ZNF45: variants seen among roughly 807,000 people sequenced by gnomAD.
ZNF45 encodes the protein BRC1744.
A neutral mutation model predicts 12.0 loss-of-function variants in ZNF45; 4 were observed. The ratio of observed to expected loss-of-function variants is 0.33; its 90% CI spans 0.16 to 0.76. ZNF45 has a LOEUF of 0.76. ZNF45 is among the 30% of genes least tolerant of loss of function. The pLI is 0.60. For missense variants in ZNF45, 700 were observed against 813.0 expected (o/e 0.86, Z 1.69); for synonymous variants, 272 against 279.6 (o/e 0.97, Z 0.27).
intron 3 of ZNF45, chr19:43,926,441 G>A (rs916857747): frequency 4.6e-5 from 7 of 152,204 alleles, no homozygotes; most frequent in African/African-American, 1.7e-4. Context: ...CACAGAATGT[G>A]TCCCTTAAAA....
intron 9 of ZNF45, among the ~76,000 whole-genome samples, chr19:43,918,116 A>C (rs1442693106): frequency 6.6e-6 from 1 of 152,222 alleles, no homozygotes; most frequent in Non-Finnish European, 1.5e-5. Context: ...TGGTTGCCAC[A>C]AAGAAAATTT....
chr19:43,933,404 A>C (rs1974288638), intron 2 of ZNF45, among the ~76,000 whole-genome samples: 4 of 152,180 alleles, frequency 2.6e-5, no homozygotes, highest in Admixed American at 2.6e-4. Flanking sequence ...CAGTGAGCTG[A>C]GATCGTACCA....
At chr19:43,920,531 C>CCG (rs1973044841) in intron 7 of ZNF45, among the ~76,000 whole-genome samples, 1 of 1,404 alleles carries the variant, frequency 7.1e-4, no homozygotes, top group Non-Finnish European at 0.023. Flanking sequence ...CAGATGTTGC[C>CCG]GGGTGGGGGG....
Position 43,915,043 on chromosome 19 carries a change from C to A in ZNF45, c.393G>T (p.Gln131His). 3.1e-6 allele frequency: 5 copies of A among 1,610,820 alleles called. No homozygotes were observed. Among genetic ancestry groups the A allele is most frequent in the Non-Finnish European group, 4.2e-6 (5 of 1,178,666 alleles). The change falls in exon 10 of 10, where the codon CAG becomes CAT. Residue 131 changes from glutamine to histidine, a missense_variant. Transcript: ENST00000269973. ...AGTGCAAATCATCTCGTTTTTCCAACTGGCAGCCTGTTCTTTGAATATTTA... is the reference window on the plus strand; with the variant it reads ...AGTGCAAATCATCTCGTTTTTCCAAATGGCAGCCTGTTCTTTGAATATTTA... ...SVVNIQRTGC[Q>H]LEKRDDLHYK...
At chr19:43,918,595 C>A (rs1313423691) in intron 9 of ZNF45, among the ~76,000 whole-genome samples, 1 of 152,184 alleles carries the variant, frequency 6.6e-6, no homozygotes, top group African/African-American at 2.4e-5. Context: ...ACATGGACTT[C>A]CCAGCCCCCA....
rs1166434221 is a variant in ZNF45 at position 43,922,222 on chromosome 19, A to C, written c.-32-5T>G. On this transcript the variant is annotated splice_region_variant and splice_polypyrimidine_tract_variant and intron_variant, in intron 6 of 9. Coordinates refer to ENST00000269973, the MANE Select transcript of ZNF45 (RefSeq NM_003425.4). The stretch of plus-strand genomic sequence containing the variant: ...CCTTCTGGAGAAGTGCCAAGTCTTA[A>C]GAGGGAAGGAGAAAACATGAGGGAA... The C allele has an allele frequency of 3.8e-6, 6 of 1,590,860 alleles. No individual in the cohort carries two copies. Among genetic ancestry groups the C allele is most frequent in the Non-Finnish European group, 4.3e-6 (5 of 1,165,594 alleles).
In ZNF45 at chr19:43,914,763, T is replaced by C. The variant is rs201330394; in HGVS notation, c.673A>G (p.Ser225Gly). ...SRAKSYTNDA[S>G]YRSFSQRSHL... ...GACCTCTGACTAAAACTCCTGTAAC[T>C]TGCATCATTTGTGTATGATTTTGCT... Residue 225 changes from serine to glycine, a missense_variant, in exon 10 of 10, where the codon AGT becomes GGT. Coordinates refer to ENST00000269973, the MANE Select transcript of ZNF45 (RefSeq NM_003425.4). 3.1e-6 allele frequency: 5 copies of C among 1,614,162 alleles called. No individual in the cohort carries two copies. The highest frequency in any genetic ancestry group is 4.2e-6 in the Non-Finnish European group (5 of 1,180,038).
At chr19:43,923,564 C>T (rs949401375) in intron 6 of ZNF45, among the ~76,000 whole-genome samples, 3 of 152,088 alleles carry the variant, frequency 2.0e-5, no homozygotes, top group Non-Finnish European at 4.4e-5. Context: ...TGGAAGGTAT[C>T]TGCTGTGGAT....
chr19:43,917,642 T>G (rs1049034392), intron 9 of ZNF45, among the ~76,000 whole-genome samples: 6 of 152,128 alleles, frequency 3.9e-5, no homozygotes, highest in Non-Finnish European at 7.4e-5. Flanking sequence ...TGCGCCACCA[T>G]GCTCAGCTAA....
intron 6 of ZNF45, among the ~76,000 whole-genome samples, chr19:43,922,823 T>TTG: frequency 7.6e-6 from 1 of 132,270 alleles, no homozygotes; most frequent in Admixed American, 7.6e-5. Context: ...ATTCTTTGTT[T>TTG]TTTTTTTTTT....
At chr19:43,917,241 C>T (rs1568452324) in intron 9 of ZNF45, among the ~76,000 whole-genome samples, 1 of 152,080 alleles carries the variant, frequency 6.6e-6, no homozygotes, top group Non-Finnish European at 1.5e-5. Context: ...ACACACCTAC[C>T]CATATGTGAA....
intron 6 of ZNF45, among the ~76,000 whole-genome samples, chr19:43,923,520 A>G (rs1410565042): frequency 2.0e-5 from 3 of 152,202 alleles, no homozygotes; most frequent in Non-Finnish European, 4.4e-5. Flanking sequence ...AGGGTTCAGT[A>G]ATATCTGAGG....
At chr19:43,933,153 C>T (rs1974271410) in intron 2 of ZNF45, among the ~76,000 whole-genome samples, 1 of 152,132 alleles carries the variant, frequency 6.6e-6, no homozygotes, top group South Asian at 2.1e-4. Context: ...AATATAATTG[C>T]CCCTCCCTTG....
chr19:43,922,059 G>T, intron 7 of ZNF45, 112 bp downstream of exon 7: 4 of 1,077,472 alleles, frequency 3.7e-6, no homozygotes, highest in Non-Finnish European at 5.3e-6. Flanking sequence ...CACACAAGAG[G>T]TTCTCAAATG....
At chr19:43,925,940 CT>C in intron 3 of ZNF45, among the ~76,000 whole-genome samples, 1 of 152,312 alleles carries the variant, frequency 6.6e-6, no homozygotes, top group East Asian at 1.9e-4. Context: ...GCCTGAAATA[CT>C]CTTTTAGAAT....
chr19:43,927,258 T>C (rs555019699), intron 3 of ZNF45, among the ~76,000 whole-genome samples: 1 of 152,148 alleles, frequency 6.6e-6, no homozygotes, highest in Admixed American at 6.5e-5. Context: ...TAATGTGGAG[T>C]TTCGTTACCT....
rs142171881 is a variant in ZNF45 at position 43,913,930 on chromosome 19, G to T, written c.1506C>A (p.Cys502Ter). 1 of 1,598,728 alleles carries T rather than the reference G, an allele frequency of 6.3e-7. No homozygotes were observed. Among genetic ancestry groups the T allele is most frequent in the Non-Finnish European group, 8.5e-7 (1 of 1,170,492 alleles). The change falls in exon 10 of 10, where the codon TGC becomes TGA. Residue 502 changes from cysteine (C) to a stop codon, truncating the protein, a stop_gained. Coordinates refer to ENST00000269973, the MANE Select transcript of ZNF45 (RefSeq NM_003425.4). LOFTEE classifies it low-confidence loss of function (END_TRUNC). The part of the protein sequence containing the change: ...RIHTGEKPYK[C>*]ERCGKAFSQF... ...GACTGAAGGCCTTACCACACCTCTCGCATTTATAGGGTTTCTCTCCTGTGT... is the reference window on the plus strand; with the variant it reads ...GACTGAAGGCCTTACCACACCTCTCTCATTTATAGGGTTTCTCTCCTGTGT...
chr19:43,922,876 A>G (rs1311705792), intron 6 of ZNF45, among the ~76,000 whole-genome samples: 1 of 121,518 alleles, frequency 8.2e-6, no homozygotes, highest in Non-Finnish European at 1.6e-5. Context: ...CCCAGGCTGG[A>G]GTGCAGTGGC....
intron 6 of ZNF45, 32 bp from the exon 7 acceptor site, chr19:43,922,249 G>A (rs866988248): frequency 1.4e-5 from 21 of 1,492,048 alleles, no homozygotes; most frequent in Middle Eastern, 3.6e-4. Flanking sequence ...ATGAGGGAAG[G>A]AGAAAAAAGC....
Sources: gnomAD v4.1 joint callset for allele counts (sites outside exome capture counted in the v4.1 genomes callset) on GRCh38, gnomAD v4.1.1 for gene constraint, MANE v1.5 for transcripts, NCBI Gene and HGNC (gene_info 2026-07-23, HGNC 2026-07-21) for gene names.